Variants in CPXM2 observed in about 807,000 individuals in gnomAD.
CPXM2 encodes the protein inactive carboxypeptidase-like protein X2.
CPXM2 carries 66 observed loss-of-function variants against 86.1 expected under a neutral mutation model. The ratio of observed to expected loss-of-function variants is 0.77; its 90% CI spans 0.63 to 0.94. The LOEUF is 0.94. Among genes scored for constraint, CPXM2 ranks in the 40% least tolerant of loss-of-function variants. The pLI, the probability that CPXM2 is intolerant of heterozygous loss-of-function variation, is 0.00. For synonymous variants in CPXM2, 388 were observed against 400.2 expected, an observed-to-expected ratio of 0.97 and a Z score of 0.36; for missense variants, 948 against 1,026.3, an observed-to-expected ratio of 0.92 and a Z score of 1.04.
intron 4 of CPXM2, among the ~76,000 whole-genome samples, chr10:123,812,655 T>A (rs1847718026): frequency 6.6e-6 from 1 of 152,348 alleles, no homozygotes; most frequent in South Asian, 2.1e-4. Flanking sequence ...CATTACCAAC[T>A]GAGCTCGACC....
intron 2 of CPXM2, among the ~76,000 whole-genome samples, chr10:123,901,678 A>C (rs1945382606): frequency 1.3e-5 from 2 of 152,174 alleles, no homozygotes; most frequent in African/African-American, 2.4e-5. Flanking sequence ...AATACAGTCA[A>C]GTGGCCATTT....
chr10:123,762,793 G>C (rs1349763209), intron 10 of CPXM2, among the ~76,000 whole-genome samples: 2 of 152,228 alleles, frequency 1.3e-5, no homozygotes, highest in Non-Finnish European at 2.9e-5. Context: ...AGTGAAGCAA[G>C]TATTTATCAT....
chr10:123,751,120 A>G (rs1846065603), intron 13 of CPXM2: 4 of 930,918 alleles, frequency 4.3e-6, no homozygotes, highest in African/African-American at 3.6e-5. Flanking sequence ...TGAAAGAAGT[A>G]TGCAGACACA....
chr10:123,915,379 G>A (rs1945526919), intron 2 of CPXM2, among the ~76,000 whole-genome samples: 3 of 152,232 alleles, frequency 2.0e-5, no homozygotes, highest in East Asian at 1.9e-4. Flanking sequence ...CCAACATGGC[G>A]AAACCCTATC....
intron 7 of CPXM2, among the ~76,000 whole-genome samples, chr10:123,771,496 G>T (rs577901700): frequency 6.6e-6 from 1 of 152,168 alleles, no homozygotes; most frequent in Non-Finnish European, 1.5e-5. Context: ...GATGCAGCAC[G>T]ATGACGGCCC....
At chr10:123,876,826 T>C (rs1944996668) in intron 2 of CPXM2, among the ~76,000 whole-genome samples, 1 of 152,248 alleles carries the variant, frequency 6.6e-6, no homozygotes, top group African/African-American at 2.4e-5. Flanking sequence ...TGTGCTACAC[T>C]GTGCAGACAT....
intron 6 of CPXM2, among the ~76,000 whole-genome samples, chr10:123,781,668 G>C (rs1379747927): frequency 6.6e-6 from 1 of 152,200 alleles, no homozygotes; most frequent in Non-Finnish European, 1.5e-5. Flanking sequence ...GGAGCAGCGA[G>C]GCCAGATCTG....
intron 11 of CPXM2, among the ~76,000 whole-genome samples, chr10:123,760,239 TTA>T (rs1459481384): frequency 2.6e-5 from 4 of 152,160 alleles, no homozygotes; most frequent in Non-Finnish European, 5.9e-5. Context: ...CGTGCCCAAT[TTA>T]GTCACAGCAG....
chr10:123,899,603 G>A (rs373013132), intron 2 of CPXM2, among the ~76,000 whole-genome samples: 3 of 152,198 alleles, frequency 2.0e-5, no homozygotes, highest in African/African-American at 7.2e-5. Flanking sequence ...GATCACTTAA[G>A]CCCAGAAATT....
At chr10:123,895,121 C>CT (rs869104432), upstream of CPXM2, among the ~76,000 whole-genome samples, 1,716 of 85,836 alleles carry the variant, frequency 0.02, 55 homozygotes, top group African/African-American at 0.031. Context: ...TCTTTTTTTT[C>CT]TTTTTTTTTT....
chr10:123,885,829 T>C lies in CPXM2; in HGVS notation c.305-5520A>G, dbSNP rs537747776. On this transcript the variant is annotated intron_variant, in intron 1 of 13. Coordinates refer to ENST00000241305, the MANE Select transcript of CPXM2 (RefSeq NM_198148.3). The surrounding 1 kb of genome is among the most constrained non-coding windows in gnomAD (Gnocchi z 4.0). ...TCAAGGCTCCAGGGCCAGGCTGCCATTGTCCCCACACTAAAGGTGCCATGA... is the reference window on the plus strand; with the variant it reads ...TCAAGGCTCCAGGGCCAGGCTGCCACTGTCCCCACACTAAAGGTGCCATGA... Among the ~76,000 whole-genome samples, 1 of 152,334 alleles carries C rather than the reference T, an allele frequency of 6.6e-6. No homozygotes were observed. The highest frequency in any genetic ancestry group is 1.9e-4 in the East Asian group (1 of 5,182).
chr10:123,857,735 C>T (rs1419123446), intron 3 of CPXM2, among the ~76,000 whole-genome samples: 1 of 152,200 alleles, frequency 6.6e-6, no homozygotes, highest in Non-Finnish European at 1.5e-5. Context: ...CTGAGCAATG[C>T]ACCAGCACAG....
intron 2 of CPXM2, among the ~76,000 whole-genome samples, chr10:123,879,653 G>A (rs1286435006): frequency 6.6e-6 from 1 of 152,150 alleles, no homozygotes; most frequent in Non-Finnish European, 1.5e-5. Context: ...AATAATAATG[G>A]TAGTAGTTAA....
intron 11 of CPXM2, among the ~76,000 whole-genome samples, chr10:123,761,179 T>C (rs1846328272): frequency 6.6e-6 from 1 of 152,216 alleles, no homozygotes; most frequent in African/African-American, 2.4e-5. Context: ...CCTGAGTGGA[T>C]GCCAGGAGCA....
Position 123,815,219 on chromosome 10 carries a change from T to C in CPXM2, c.654-16020A>G, listed in dbSNP as rs566511709. Among the ~76,000 whole-genome samples the C allele has an allele frequency of 1.6e-4, 24 of 152,256 alleles. No homozygotes were observed. The East Asian group carries it at 4.1e-3, about 26-fold the overall frequency. On this transcript the variant is annotated intron_variant, in intron 4 of 13. Transcript: ENST00000241305. ...TGAAAGAAAATGATGAACTCAGGGATTCTATCTCCCAGCTTCACAAGCTGA... is the reference window on the plus strand; with the variant it reads ...TGAAAGAAAATGATGAACTCAGGGACTCTATCTCCCAGCTTCACAAGCTGA...
At chr10:123,863,231 C>T (rs1443006582) in intron 2 of CPXM2, among the ~76,000 whole-genome samples, 1 of 152,198 alleles carries the variant, frequency 6.6e-6, no homozygotes, top group Non-Finnish European at 1.5e-5. Context: ...CCAGCCTAGC[C>T]CATTGTCCGT....
Position 123,850,569 on chromosome 10 carries a change from T to C in CPXM2, c.514-8081A>G, listed in dbSNP as rs116861446. ...GCCCAGTAGTCACTTAGCAGCCATC[T>C]TGGTTATCAAAGAGCTGGTATTGCG... On this transcript the variant is annotated intron_variant, in intron 3 of 13. Coordinates refer to ENST00000241305, the MANE Select transcript of CPXM2 (RefSeq NM_198148.3). 2.6e-5 allele frequency among the ~76,000 whole-genome samples: 4 copies of C among 152,346 alleles called. No individual in the cohort carries two copies. In the East Asian group the frequency reaches 7.7e-4, roughly 29 times the overall value.
chr10:123,814,095 T>C (rs932479480), intron 4 of CPXM2, among the ~76,000 whole-genome samples: 22 of 152,190 alleles, frequency 1.4e-4, no homozygotes, highest in African/African-American at 5.3e-4. Flanking sequence ...TTATCAGTCT[T>C]GACCATTGGG....
At chr10:123,900,897 C>A (rs1052987066) in intron 2 of CPXM2, among the ~76,000 whole-genome samples, 3 of 151,508 alleles carry the variant, frequency 2.0e-5, no homozygotes, top group African/African-American at 7.3e-5. Flanking sequence ...ATTTTTTTTT[C>A]TTTTCTACTG....
Sources: gnomAD v4.1 joint callset for allele counts (sites outside exome capture counted in the v4.1 genomes callset) on GRCh38, gnomAD v4.1.1 for gene constraint, Gnocchi (gnomAD v3.1) non-coding constraint, MANE v1.5 for transcripts, NCBI Gene and HGNC (gene_info 2026-07-23, HGNC 2026-07-21) for gene names.